Variants in SCHIP1 observed in about 807,000 individuals in gnomAD.
SCHIP1 encodes the protein schwannomin-interacting protein 1.
A neutral mutation model predicts 29.7 loss-of-function variants in SCHIP1; 8 were observed. The observed-to-expected ratio is 0.27, with a 90% CI of 0.16 to 0.49. The LOEUF (loss-of-function observed/expected upper bound fraction) is 0.49. SCHIP1 is among the 20% of genes least tolerant of loss of function. The probability of loss-of-function intolerance (pLI) is 0.99; values close to 1 mark genes in which losing one functional copy is unlikely to be tolerated. For synonymous variants in SCHIP1, 76 were observed against 94.9 expected (o/e 0.80, Z 1.16); for missense variants, 193 against 294.6 (o/e 0.66, Z 2.52).
intron 2 of SCHIP1, among the ~76,000 whole-genome samples, chr3:159,882,653 T>C (rs1196891575): frequency 1.3e-5 from 2 of 152,220 alleles, no homozygotes; most frequent in African/African-American, 4.8e-5. Context: ...TTGAAAGAAA[T>C]GTTACCTTTA....
At chr3:159,396,144 C>A in the SCHIP1 span, among the ~76,000 whole-genome samples, 2 of 139,672 alleles carry the variant, frequency 1.4e-5, no homozygotes, top group Non-Finnish European at 3.1e-5. Context: ...GATTCCAACC[C>A]CTGCCTTTTT....
the SCHIP1 span, among the ~76,000 whole-genome samples, chr3:159,722,801 C>T: frequency 6.6e-6 from 1 of 152,168 alleles, no homozygotes. Context: ...TGATGATTAA[C>T]TAGTAAAGTA....
the SCHIP1 span, among the ~76,000 whole-genome samples, chr3:159,551,847 T>C: frequency 6.6e-6 from 1 of 152,086 alleles, no homozygotes; most frequent in Admixed American, 6.5e-5. Flanking sequence ...ATGCCAGAAT[T>C]CAGATTGGAG....
chr3:159,835,870 A>G (rs534338636), upstream of SCHIP1, among the ~76,000 whole-genome samples: 1 of 151,658 alleles, frequency 6.6e-6, no homozygotes, highest in South Asian at 2.1e-4. Context: ...ACCCCCTTTC[A>G]TTCTATTGTT....
the SCHIP1 span, among the ~76,000 whole-genome samples, chr3:159,496,689 C>A: frequency 6.6e-6 from 1 of 152,198 alleles, no homozygotes; most frequent in East Asian, 1.9e-4. Context: ...TTGTGGAAGT[C>A]AGTGTGGCGA....
At chr3:159,400,852 A>G in the SCHIP1 span, among the ~76,000 whole-genome samples, 5 of 152,294 alleles carry the variant, frequency 3.3e-5, no homozygotes, top group South Asian at 2.1e-4. Context: ...CTTGGGCCCA[A>G]GTGATGATAG....
At chr3:159,442,660 G>A in the SCHIP1 span, among the ~76,000 whole-genome samples, 1 of 152,166 alleles carries the variant, frequency 6.6e-6, no homozygotes. Context: ...CACCTGGTCA[G>A]ATCCATGAGC....
the SCHIP1 span, among the ~76,000 whole-genome samples, chr3:159,302,289 TACTTGGTTTCA>T: frequency 6.6e-6 from 1 of 152,148 alleles, no homozygotes. Context: ...ATTAGCAAAG[TACTTGGTTTCA>T]ACTTGCAGAA....
At chr3:159,657,205 C>T in the SCHIP1 span, among the ~76,000 whole-genome samples, 3 of 152,070 alleles carry the variant, frequency 2.0e-5, no homozygotes, top group Non-Finnish European at 4.4e-5. Flanking sequence ...TGTAAGTGAC[C>T]ATCTTCCAAC....
At chr3:159,533,456 A>G in the SCHIP1 span, among the ~76,000 whole-genome samples, 1 of 152,132 alleles carries the variant, frequency 6.6e-6, no homozygotes, top group African/African-American at 2.4e-5. Flanking sequence ...TTAATTGGAA[A>G]GGTGCTTTAA....
chr3:159,318,447 C>T, the SCHIP1 span, among the ~76,000 whole-genome samples: 1 of 152,206 alleles, frequency 6.6e-6, no homozygotes, highest in Non-Finnish European at 1.5e-5. Context: ...CAACCAGGTG[C>T]ACTGCTCAAA....
chr3:159,809,142 A>C, the SCHIP1 span, among the ~76,000 whole-genome samples: 28,167 of 92,718 alleles, frequency 0.3, 2,731 homozygotes, highest in South Asian at 0.4. Flanking sequence ...CCCAGCCCCC[A>C]ACCCCCCGCA....
chr3:159,372,163 AG>A, the SCHIP1 span, among the ~76,000 whole-genome samples: 4 of 152,178 alleles, frequency 2.6e-5, no homozygotes. Flanking sequence ...AGTAATTAAA[AG>A]CTGTTATCTC....
At chr3:159,845,069 G>A (rs547788888) in intron 1 of SCHIP1, among the ~76,000 whole-genome samples, 42 of 152,252 alleles carry the variant, frequency 2.8e-4, no homozygotes, top group South Asian at 2.3e-3. Flanking sequence ...TTCAAGGCCC[G>A]ACATTTGTTT....
chr3:159,587,065 A>C, the SCHIP1 span, among the ~76,000 whole-genome samples: 1 of 152,196 alleles, frequency 6.6e-6, no homozygotes, highest in Non-Finnish European at 1.5e-5. Flanking sequence ...CCAAGGGCAG[A>C]TGCCACTCAG....
the SCHIP1 span, among the ~76,000 whole-genome samples, chr3:159,793,494 G>T: frequency 2.0e-5 from 3 of 152,086 alleles, no homozygotes; most frequent in Admixed American, 2.0e-4. Context: ...TTATACTTCT[G>T]AAGGCCAGAA....
At chr3:159,541,908 A>C in the SCHIP1 span, among the ~76,000 whole-genome samples, 17 of 152,204 alleles carry the variant, frequency 1.1e-4, no homozygotes, top group Admixed American at 3.3e-4. Context: ...TTGCTTTGAA[A>C]TATGTCGCAC....
the SCHIP1 span, among the ~76,000 whole-genome samples, chr3:159,696,857 T>C: frequency 6.6e-6 from 1 of 152,148 alleles, no homozygotes; most frequent in Admixed American, 6.5e-5. Flanking sequence ...GCATGGGGCC[T>C]CTCTTCAGGT....
At chr3:159,658,462 C>A in the SCHIP1 span, among the ~76,000 whole-genome samples, 1 of 152,142 alleles carries the variant, frequency 6.6e-6, no homozygotes, top group Non-Finnish European at 1.5e-5. Flanking sequence ...GTTCGAGAAC[C>A]TGAGAAAAAT....
Sources: gnomAD v4.1 joint callset for allele counts (sites outside exome capture counted in the v4.1 genomes callset) on GRCh38, gnomAD v4.1.1 for gene constraint, MANE v1.5 for transcripts, NCBI Gene and HGNC (gene_info 2026-07-23, HGNC 2026-07-21) for gene names.